Variants in SBF2 observed in about 807,000 individuals in gnomAD.
SBF2 encodes the protein myotubularin-related protein 13.
A neutral mutation model predicts 225.2 loss-of-function variants in SBF2; 112 were observed. The ratio of observed to expected loss-of-function variants is 0.50; its 90% CI spans 0.43 to 0.58. The LOEUF is 0.58. Ranked by LOEUF, SBF2 falls within the 20% of genes least tolerant of loss-of-function variation. SBF2 has a pLI of 0.00. For missense variants in SBF2, 1,996 were observed against 2,206.2 expected (o/e 0.90, Z 1.91); for synonymous variants, 763 against 773.3 (o/e 0.99, Z 0.22).
At chr11:10,007,548 C>T (rs1037362635) in intron 6 of SBF2, among the ~76,000 whole-genome samples, 3 of 152,148 alleles carry the variant, frequency 2.0e-5, no homozygotes, top group Non-Finnish European at 4.4e-5. Context: ...GCCTTCATAG[C>T]CCTATGAAAC....
intron 2 of SBF2, among the ~76,000 whole-genome samples, chr11:10,131,152 G>A (rs556049652): frequency 1.3e-4 from 20 of 152,106 alleles, no homozygotes; most frequent in African/African-American, 4.8e-4. Flanking sequence ...TACCAGCAAT[G>A]TGTGAGAGAC....
intron 2 of SBF2, among the ~76,000 whole-genome samples, chr11:10,189,530 C>T (rs1441488993): frequency 6.6e-6 from 1 of 152,176 alleles, no homozygotes; most frequent in Non-Finnish European, 1.5e-5. Flanking sequence ...TATGTTACAC[C>T]TGCACAATGT....
intron 16 of SBF2, among the ~76,000 whole-genome samples, chr11:9,924,430 T>C (rs558487899): frequency 2.0e-5 from 3 of 152,160 alleles, no homozygotes; most frequent in African/African-American, 7.2e-5. Flanking sequence ...ATTTTCTTAT[T>C]TATTTATTTA....
At chr11:10,004,985 G>C (rs1164796044) in intron 6 of SBF2, among the ~76,000 whole-genome samples, 1 of 152,132 alleles carries the variant, frequency 6.6e-6, no homozygotes, top group African/African-American at 2.4e-5. Flanking sequence ...ACATGAGCAG[G>C]GAAGGAGAGG....
intron 2 of SBF2, among the ~76,000 whole-genome samples, chr11:10,178,860 C>T (rs934430192): frequency 1.3e-5 from 2 of 149,016 alleles, no homozygotes; most frequent in African/African-American, 2.5e-5. Context: ...ACCCAAAGGA[C>T]TATAAATCAT....
chr11:9,904,526 C>G (rs546904982), intron 16 of SBF2, among the ~76,000 whole-genome samples: 1 of 152,272 alleles, frequency 6.6e-6, no homozygotes, highest in Admixed American at 6.5e-5. Flanking sequence ...ATATACCTCT[C>G]TCAGTAACTG....
At chr11:9,796,458 T>C (rs418635) in intron 32 of SBF2, among the ~76,000 whole-genome samples, 9,526 of 152,052 alleles carry the variant, frequency 0.063, 814 homozygotes, top group African/African-American at 0.19. Context: ...ACAAGAAAAA[T>C]TGTTCTTACA....
chr11:10,072,319 T>C (rs1250539287), intron 2 of SBF2, among the ~76,000 whole-genome samples: 1 of 152,208 alleles, frequency 6.6e-6, no homozygotes, highest in East Asian at 1.9e-4. Flanking sequence ...GATTTGTATA[T>C]TTTAAGGGAA....
intron 2 of SBF2, among the ~76,000 whole-genome samples, chr11:10,148,587 T>A (rs1430111781): frequency 6.6e-6 from 1 of 151,988 alleles, no homozygotes; most frequent in Non-Finnish European, 1.5e-5. Context: ...CAGGACAAAA[T>A]CTAGGATCTC....
intron 16 of SBF2, among the ~76,000 whole-genome samples, chr11:9,941,030 C>G (rs1466775939): frequency 6.6e-6 from 1 of 152,098 alleles, no homozygotes; most frequent in Non-Finnish European, 1.5e-5. Flanking sequence ...AATATTCTCC[C>G]AAAGGCTGGA....
intron 33 of SBF2, among the ~76,000 whole-genome samples, chr11:9,794,097 G>A (rs962132386): frequency 9.9e-5 from 15 of 152,004 alleles, no homozygotes; most frequent in Admixed American, 8.5e-4. Flanking sequence ...GTGGGATATC[G>A]CTTGAGTCCC....
At chr11:10,079,205 T>C (rs1951257275) in intron 2 of SBF2, among the ~76,000 whole-genome samples, 1 of 152,190 alleles carries the variant, frequency 6.6e-6, no homozygotes, top group African/African-American at 2.4e-5. Context: ...TCTATAGCGA[T>C]GGAGCCTAAC....
At chr11:9,787,802 A>C in intron 35 of SBF2, 64 bp from the exon 36 acceptor site, 1 of 1,370,770 alleles carries the variant, frequency 7.3e-7, no homozygotes, top group African/African-American at 1.4e-5. Context: ...CCCCAAAGCC[A>C]CACTGCTTCT....
At chr11:10,054,954 A>G (rs1950199992) in intron 2 of SBF2, among the ~76,000 whole-genome samples, 1 of 152,040 alleles carries the variant, frequency 6.6e-6, no homozygotes. Context: ...CTGTCACCCA[A>G]GCTGGAGTGC....
intron 17 of SBF2, among the ~76,000 whole-genome samples, chr11:9,882,571 G>A (rs1359429733): frequency 1.3e-5 from 2 of 152,082 alleles, no homozygotes; most frequent in Admixed American, 6.6e-5. Flanking sequence ...CACTTTGGGA[G>A]GCCAAGGCGG....
intron 14 of SBF2, among the ~76,000 whole-genome samples, chr11:9,966,344 C>G (rs1866910005): frequency 6.6e-6 from 1 of 152,222 alleles, no homozygotes; most frequent in Admixed American, 6.5e-5. Flanking sequence ...CCCACCTTGG[C>G]TTCCCAAAGT....
intron 32 of SBF2, among the ~76,000 whole-genome samples, chr11:9,803,220 G>GA (rs5789619): frequency 1.5e-4 from 23 of 150,430 alleles, no homozygotes; most frequent in African/African-American, 4.4e-4. Flanking sequence ...CTCTTTACTT[G>GA]AAAAAAAAAA....
At chr11:9,815,481 T>C (rs1854410141) in intron 29 of SBF2, among the ~76,000 whole-genome samples, 1 of 151,068 alleles carries the variant, frequency 6.6e-6, no homozygotes, top group South Asian at 2.1e-4. Context: ...AATAATAATA[T>C]TTTATTGAGG....
At chr11:9,842,526 G>C (rs1343366844) in intron 25 of SBF2, 99 bp downstream of exon 25, 1 of 1,259,464 alleles carries the variant, frequency 7.9e-7, no homozygotes, top group African/African-American at 1.5e-5. Flanking sequence ...ATGAGATCTA[G>C]GTTTTTGTGA....
Sources: allele counts gnomAD v4.1 joint callset (sites outside exome capture counted in the v4.1 genomes callset), GRCh38; gene constraint gnomAD v4.1.1; transcripts MANE v1.5; gene names NCBI Gene and HGNC (gene_info 2026-07-23, HGNC 2026-07-21).